CXXC1: variants seen among roughly 807,000 people sequenced by gnomAD.
CXXC1 encodes CXXC finger protein 1, also known as CXXC-type zinc finger protein 1.
Under a neutral mutation model 83.6 loss-of-function variants are expected in CXXC1, and 21 were observed. The observed-to-expected ratio is 0.25, with a 90% CI of 0.18 to 0.36. The LOEUF is 0.36. Ranked by LOEUF, CXXC1 falls within the 10% of genes least tolerant of loss-of-function variation. The pLI, the probability that CXXC1 is intolerant of heterozygous loss-of-function variation, is 1.00. For synonymous variants in CXXC1, 371 were observed against 337.5 expected (o/e 1.10, Z -1.09); for missense variants, 688 against 919.5 (o/e 0.75, Z 3.26).
intron 1 of CXXC1, 86 bp from the exon 2 acceptor site, chr18:50,286,944 G>T (rs1013097637): frequency 2.6e-5 from 25 of 944,646 alleles, no homozygotes; most frequent in Non-Finnish European, 3.1e-5. Context: ...TGGTCAGCAG[G>T]GATCCCCACT....
At chr18:50,284,353 C>T (rs775037659) in intron 9 of CXXC1, 25 bp downstream of exon 9, 3 of 1,526,326 alleles carry the variant, frequency 2.0e-6, no homozygotes, top group Non-Finnish European at 1.8e-6. Flanking sequence ...TCCTGACTCC[C>T]TTGAACCTCT....
Position 50,285,316 on chromosome 18 carries a change from T to G in CXXC1, c.666+9A>C, listed in dbSNP as rs1230848892. 4 of 1,606,834 alleles carry G rather than the reference T, an allele frequency of 2.5e-6. No individual in the cohort carries two copies. Among genetic ancestry groups the G allele is most frequent in the Admixed American group, 1.7e-5 (1 of 59,586 alleles). ...CATGCCCCACCCCACCCTGGGGGGC[T>G]GGACTCACCGAGGAAGGGAAGTACT... is the stretch of plus-strand genomic sequence containing the variant. On this transcript the variant is annotated intron_variant, in intron 6 of 14. Coordinates refer to ENST00000285106, the MANE Select transcript of CXXC1 (RefSeq NM_014593.4). The surrounding 1 kb of genome is among the most constrained non-coding windows in gnomAD (Gnocchi z 4.4).
rs748917594 is a variant in CXXC1 at position 50,286,723 on chromosome 18, A to T, written c.122+17T>A. On this transcript the variant is annotated intron_variant, in intron 2 of 14. Coordinates refer to ENST00000285106, the MANE Select transcript of CXXC1 (RefSeq NM_014593.4). ...CACCCTGCCAGTGTCAGCCCCGCCC[A>T]TCTCTCCCGCGCTCACATCATGAAG... 1 of 1,611,558 alleles carries T rather than the reference A, an allele frequency of 6.2e-7. No individual in the cohort carries two copies. The highest frequency in any genetic ancestry group is 8.5e-7 in the Non-Finnish European group (1 of 1,177,764).
chr18:50,283,163 GGAAAAAGTGAA>G, intron 13 of CXXC1, 91 bp downstream of exon 13: 1 of 1,309,984 alleles, frequency 7.6e-7, no homozygotes, highest in Non-Finnish European at 1.1e-6. Flanking sequence ...GAAGCTGAGA[GGAAAAAGTGAA>G]GGAAAAGTGA....
Position 50,285,386 on chromosome 18 carries a change from A to C in CXXC1, c.640-35T>G. ...CAGGAGGAAGGCCCAGGTCAGCCCC[A>C]GGTGGATGGAGGGCGGCCTTGCCCT... On this transcript the variant is annotated intron_variant, in intron 5 of 14. Transcript: ENST00000285106. The surrounding 1 kb of genome is among the most constrained non-coding windows in gnomAD (Gnocchi z 4.4). 2 of 1,562,418 alleles carry C rather than the reference A, an allele frequency of 1.3e-6. No individual in the cohort carries two copies. Among genetic ancestry groups the C allele is most frequent in the Non-Finnish European group, 1.7e-6 (2 of 1,153,988 alleles).
intron 9 of CXXC1, 80 bp from the exon 10 acceptor site, chr18:50,284,181 G>A (rs2040675250): frequency 6.6e-7 from 1 of 1,513,206 alleles, no homozygotes; most frequent in Non-Finnish European, 9.0e-7. Flanking sequence ...AATGGCAAAA[G>A]GAGAAGTAAA....
At position 50,284,465 on chromosome 18, in the gene CXXC1, G is replaced by A. The variant is rs780838185; in HGVS notation, c.1118C>T (p.Pro373Leu). The A allele has an allele frequency of 1.9e-6, 3 of 1,608,620 alleles. No homozygotes were observed. Among genetic ancestry groups the A allele is most frequent in the Non-Finnish European group, 2.5e-6 (3 of 1,177,342 alleles). The stretch of plus-strand genomic sequence containing the variant: ...CACACAGCCGGGCCCCAGGCACTGG[G>A]GCAGTGACGCAGGGTCCTTGGCATC... ...RADAKDPASL[P>L]QCLGPGCVRP... The change falls in exon 9 of 15, where the codon CCC (proline) becomes CTC (leucine). Residue 373 changes from proline to leucine, a missense_variant. This residue lies in a region of CXXC1 where 190 missense variants were observed against 199.7 expected (regional missense o/e 0.95). Transcript: ENST00000285106.
chr18:50,287,474 G>T, intron 1 of CXXC1, 113 bp downstream of exon 1: 4 of 1,310,506 alleles, frequency 3.1e-6, no homozygotes, highest in Non-Finnish European at 4.3e-6. Flanking sequence ...CCGCCGTTCA[G>T]TCCACAGACT....
At chr18:50,284,123 A>G (rs1414806272) in intron 9 of CXXC1, 22 bp from the exon 10 acceptor site, 3 of 1,596,324 alleles carry the variant, frequency 1.9e-6, no homozygotes, top group Non-Finnish European at 2.6e-6. Flanking sequence ...GTAGCAAGCA[A>G]CAGAATGAGT....
At chr18:50,283,094 A>C (rs978848912) in intron 13 of CXXC1, 88 bp from the exon 14 acceptor site, 1 of 1,471,074 alleles carries the variant, frequency 6.8e-7, no homozygotes, top group African/African-American at 1.4e-5. Flanking sequence ...AAAAGAATGG[A>C]GGGTTCAGGG....
At position 50,284,507 on chromosome 18, in the gene CXXC1, T is replaced by G; in HGVS notation, c.1076A>C (p.Lys359Thr). Reference sequence around the variant, plus strand: ...CTTGGCATCAGCCCTCTCTGGGTGTTTCCATTTATCCTTGTGCTTCTGCTT... The same window carrying G: ...CTTGGCATCAGCCCTCTCTGGGTGTGTCCATTTATCCTTGTGCTTCTGCTT... ...RQKQKHKDKW[K>T]HPERADAKDP... The change falls in exon 9 of 15, where the codon AAA (lysine) becomes ACA (threonine). Residue 359 changes from lysine (K) to threonine (T), a missense_variant. Coordinates refer to ENST00000285106, the MANE Select transcript of CXXC1 (RefSeq NM_014593.4). The G allele has an allele frequency of 6.2e-7, 1 of 1,606,784 alleles. No homozygotes were observed.
chr18:50,284,731 C>T lies in CXXC1; in HGVS notation c.1020+1G>A. The stretch of plus-strand genomic sequence containing the variant: ...CACATCCACTTTACCCTCTCCATCA[C>T]CTTCTTCTCAGACTTCTTCTCCCGA... On this transcript the variant is annotated splice_donor_variant, in intron 8 of 14. Coordinates refer to ENST00000285106, the MANE Select transcript of CXXC1 (RefSeq NM_014593.4). LOFTEE classifies it high-confidence loss of function. 6.2e-7 allele frequency: 1 copy of T among 1,613,506 alleles called. No homozygotes were observed. Among genetic ancestry groups the T allele is most frequent in the Non-Finnish European group, 8.5e-7 (1 of 1,179,712 alleles).
rs764448396 is a variant in CXXC1, at chr18:50,283,250, G to T, written c.1671+15C>A. On this transcript the variant is annotated intron_variant, in intron 13 of 14. Coordinates refer to ENST00000285106, the MANE Select transcript of CXXC1 (RefSeq NM_014593.4). ...GAGGAGGGGCAAAATGGGAGGAGCT[G>T]AGGGAAAACCTTACTTTGGGGTCCC... The T allele has an allele frequency of 3.1e-6, 5 of 1,608,236 alleles. 1 individual carries two copies. In the South Asian group the frequency reaches 5.5e-5, roughly 18 times the overall value.
rs749328626 is a variant in CXXC1 at position 50,282,601 on chromosome 18, C to G, written c.1963G>C (p.Asp655His). 4.4e-6 allele frequency: 7 copies of G among 1,609,174 alleles called. No individual in the cohort carries two copies. The highest frequency in any genetic ancestry group is 5.9e-6 in the Non-Finnish European group (7 of 1,179,974). The change falls in exon 15 of 15, where the codon GAC (aspartate) becomes CAC (histidine). Residue 655 changes from aspartate to histidine, a missense_variant. Around this residue, in one of 9 missense-constraint regions of CXXC1, gnomAD observed 34 missense variants for 27.0 expected, o/e 1.26. Coordinates refer to ENST00000285106, the MANE Select transcript of CXXC1 (RefSeq NM_014593.4). The surrounding 1 kb of genome is among the most constrained non-coding windows in gnomAD (Gnocchi z 5.8). ...PLTTDLRSSA[D>H]R ...GGTCCGGGCCAGGAGGCTCAGCGGTCGGCACTGGAGCGCAGGTCGGTAGTG... is the reference window on the plus strand; with the variant it reads ...GGTCCGGGCCAGGAGGCTCAGCGGTGGGCACTGGAGCGCAGGTCGGTAGTG...
Position 50,286,781 on chromosome 18 carries a change from G to A in CXXC1, c.81C>T (p.Ile27=), listed in dbSNP as rs371863015. Residue 27 remains isoleucine (I), a synonymous_variant, in exon 2 of 15, where the codon ATC becomes ATT. Transcript: ENST00000285106. ...TGTCCGGTTTGCGGCAGATGCAGTA[G>A]ATGGGCGCATTCTCCCCATTCTCGG... ...SKSENGENAP[I]YCICRKPDIN... is the part of the protein sequence containing the mutation. 133 of 1,614,002 alleles carry A rather than the reference G, an allele frequency of 8.2e-5. No homozygotes were observed. The highest frequency in any genetic ancestry group is 1.1e-4 in the Non-Finnish European group (131 of 1,179,996).
In CXXC1 at chr18:50,285,400, C is replaced by T. The variant is rs765008880; in HGVS notation, c.640-49G>A. The T allele has an allele frequency of 1.5e-5, 23 of 1,550,964 alleles. No individual in the cohort carries two copies. The South Asian group carries it at 1.6e-4, about 11-fold the overall frequency. ...AGGTCAGCCCCAGGTGGATGGAGGG[C>T]GGCCTTGCCCTAGCCCTACCCACCT... On this transcript the variant is annotated intron_variant, in intron 5 of 14. Transcript: ENST00000285106. The surrounding 1 kb of genome is among the most constrained non-coding windows in gnomAD (Gnocchi z 4.4).
In CXXC1 at chr18:50,282,792, C is replaced by A. The variant is rs1730710012; in HGVS notation, c.1825-53G>T. 6.2e-7 allele frequency: 1 copy of A among 1,611,856 alleles called. No individual in the cohort carries two copies. Among genetic ancestry groups the A allele is most frequent in the Non-Finnish European group, 8.5e-7 (1 of 1,178,278 alleles). On this transcript the variant is annotated intron_variant, in intron 14 of 14. Transcript: ENST00000285106. The surrounding 1 kb of genome is among the most constrained non-coding windows in gnomAD (Gnocchi z 5.8). ...GCAGGAACACCTGCAGCCCCGCCTG[C>A]CCCGGCCACGTCCGACATGGAAACC...
chr18:50,284,158 C>T, intron 9 of CXXC1, 57 bp from the exon 10 acceptor site: 4 of 1,552,106 alleles, frequency 2.6e-6, no homozygotes, highest in Non-Finnish European at 3.5e-6. Flanking sequence ...GTGAGAATGG[C>T]AAAATAGACG....
rs745491958 is a variant in CXXC1, at chr18:50,284,473, C to T, written c.1110G>A (p.Ala370=). 147 of 1,609,338 alleles carry T rather than the reference C, an allele frequency of 9.1e-5. No individual in the cohort carries two copies. Among genetic ancestry groups the T allele is most frequent in the Middle Eastern group, 1.6e-4 (1 of 6,072 alleles). ...HPERADAKDP[A]SLPQCLGPGC... ...CGGGCCCCAGGCACTGGGGCAGTGACGCAGGGTCCTTGGCATCAGCCCTCT... is the reference window on the plus strand; with the variant it reads ...CGGGCCCCAGGCACTGGGGCAGTGATGCAGGGTCCTTGGCATCAGCCCTCT... Residue 370 remains alanine (A), a synonymous_variant, in exon 9 of 15, where the codon GCG becomes GCA. Coordinates refer to ENST00000285106, the MANE Select transcript of CXXC1 (RefSeq NM_014593.4).
Sources: allele counts gnomAD v4.1 joint callset, GRCh38; gene constraint gnomAD v4.1.1; regional missense constraint gnomAD v4.1.1; non-coding constraint Gnocchi (gnomAD v3.1); transcripts MANE v1.5; gene names NCBI Gene and HGNC (gene_info 2026-07-23, HGNC 2026-07-21).